Variants in PCDHA1 observed in about 807,000 individuals in gnomAD.
PCDHA1 encodes the protein protocadherin alpha-1.
PCDHA1 carries 42 observed loss-of-function variants against 61.3 expected under a neutral mutation model. The ratio of observed to expected loss-of-function variants is 0.69; its 90% CI spans 0.54 to 0.89. PCDHA1 has a LOEUF of 0.89. Ranked by LOEUF, PCDHA1 falls within the 40% of genes least tolerant of loss-of-function variation. The pLI is 0.00. For missense variants in PCDHA1, 1,256 were observed against 1,235.3 expected (o/e 1.02, Z -0.25); for synonymous variants, 610 against 553.8 (o/e 1.10, Z -1.43).
chr5:140,870,704 T>A, intron 1 of PCDHA1: 1 of 1,612,984 alleles, frequency 6.2e-7, no homozygotes, highest in East Asian at 2.2e-5. Flanking sequence ...CAGTTCCAGG[T>A]GAGCGCGCGC....
At chr5:140,843,373 T>C (rs2150358583) in intron 1 of PCDHA1, 5 of 1,596,150 alleles carry the variant, frequency 3.1e-6, no homozygotes, top group Non-Finnish European at 2.6e-6. Flanking sequence ...GGCAGTCGGC[T>C]GGCGTTTTGG....
intron 1 of PCDHA1, chr5:140,883,655 T>C (rs782178754): frequency 6.2e-7 from 1 of 1,613,114 alleles, no homozygotes; most frequent in Non-Finnish European, 8.5e-7. Context: ...GTACACGGTG[T>C]TCGTGAAGGA....
rs1335181198 is a variant in PCDHA1 at position 140,797,295 on chromosome 5, T to C, written c.2394+8611T>C. On this transcript the variant is annotated intron_variant, in intron 1 of 3. Transcript: ENST00000504120. Reference sequence around the variant, plus strand: ...TCATGGCCTTCAGCCCTAGCTTATCTCAAGGTCCAGACTCCGCAGAAGAGA... The same window carrying C: ...TCATGGCCTTCAGCCCTAGCTTATCCCAAGGTCCAGACTCCGCAGAAGAGA... 4.3e-6 allele frequency: 7 copies of C among 1,614,070 alleles called. No homozygotes were observed. In the Admixed American group the frequency reaches 1.0e-4, roughly 23 times the overall value.
At chr5:140,869,975 T>C (rs1562636456) in intron 1 of PCDHA1, 1 of 1,613,324 alleles carries the variant, frequency 6.2e-7, no homozygotes, top group Non-Finnish European at 8.5e-7. Flanking sequence ...GGAAGACACT[T>C]ATTTACACTA....
intron 1 of PCDHA1, among the ~76,000 whole-genome samples, chr5:140,826,810 A>G (rs967929234): frequency 6.6e-6 from 1 of 152,172 alleles, no homozygotes; most frequent in African/African-American, 2.4e-5. Flanking sequence ...CTAACATGTG[A>G]TTACATATTA....
At chr5:140,829,849 T>C in intron 1 of PCDHA1, 1 of 1,613,860 alleles carries the variant, frequency 6.2e-7, no homozygotes, top group Non-Finnish European at 8.5e-7. Context: ...GGTCACTGGG[T>C]GCAGGCCAAG....
chr5:140,916,864 T>A (rs2077768356), intron 1 of PCDHA1, among the ~76,000 whole-genome samples: 1 of 152,156 alleles, frequency 6.6e-6, no homozygotes, highest in African/African-American at 2.4e-5. Flanking sequence ...AGGAGTTACC[T>A]AGGAATTGCA....
At chr5:140,862,209 A>C (rs2047255709) in intron 1 of PCDHA1, 2 of 201,904 alleles carry the variant, frequency 9.9e-6, no homozygotes, top group South Asian at 2.0e-4. Flanking sequence ...TGATCACTGC[A>C]CAGACTTGAT....
At chr5:140,968,166 C>G (rs782037307) in intron 1 of PCDHA1, 1 of 1,614,004 alleles carries the variant, frequency 6.2e-7, no homozygotes, top group Non-Finnish European at 8.5e-7. Flanking sequence ...GACAATCCAC[C>G]AAGCTTCCTG....
At chr5:140,835,591 A>T (rs2150238905) in intron 1 of PCDHA1, 2 of 1,613,686 alleles carry the variant, frequency 1.2e-6, no homozygotes, top group African/African-American at 2.7e-5. Flanking sequence ...ACCTTCAAGA[A>T]TTACTATTCA....
intron 1 of PCDHA1, chr5:140,877,117 G>T (rs781979355): frequency 6.8e-6 from 11 of 1,613,720 alleles, no homozygotes; most frequent in Admixed American, 3.3e-5. Flanking sequence ...GGGCAGCAAC[G>T]TGACGCTGCA....
In PCDHA1 at chr5:140,846,617, G is replaced by A. The variant is rs2150393003; in HGVS notation, c.2394+57933G>A. Among the ~76,000 whole-genome samples, 14 of 148,740 alleles carry A rather than the reference G, an allele frequency of 9.4e-5. 1 individual carries two copies. The highest frequency in any genetic ancestry group is 1.7e-4 in the African/African-American group (7 of 40,642). ...TCTCGATCTCCTGACCTCCTGATCC[G>A]CCCACTTCGGCCTCCTAAAGTGCTG... is the stretch of plus-strand genomic sequence containing the variant. On this transcript the variant is annotated intron_variant, in intron 1 of 3. Transcript: ENST00000504120.
At chr5:140,877,007 C>T in intron 1 of PCDHA1, 2 of 1,612,430 alleles carry the variant, frequency 1.2e-6, no homozygotes, top group Non-Finnish European at 1.7e-6. Context: ...TCGGTGCACG[C>T]GGAGAGCGGC....
At chr5:140,975,003 A>G (rs1170426656) in intron 1 of PCDHA1, among the ~76,000 whole-genome samples, 3 of 152,152 alleles carry the variant, frequency 2.0e-5, no homozygotes, top group Non-Finnish European at 4.4e-5. Flanking sequence ...CAAGGCTGAA[A>G]TGAACACAGC....
intron 1 of PCDHA1, chr5:140,805,020 T>C: frequency 3.2e-6 from 5 of 1,570,898 alleles, no homozygotes; most frequent in Non-Finnish European, 4.3e-6. Flanking sequence ...TATCAGCTTC[T>C]TGAATATAAT....
chr5:140,822,885 G>C (rs1554128940), intron 1 of PCDHA1: 45 of 1,614,086 alleles, frequency 2.8e-5, no homozygotes, highest in Non-Finnish European at 3.7e-5. Context: ...TCATTGCTCT[G>C]ATCAGCGTGT....
At chr5:140,985,577 G>A (rs1265916995) in intron 3 of PCDHA1, among the ~76,000 whole-genome samples, 1 of 152,116 alleles carries the variant, frequency 6.6e-6, no homozygotes, top group Non-Finnish European at 1.5e-5. Flanking sequence ...TGGTGCCTAA[G>A]CCTCCTTATA....
intron 1 of PCDHA1, chr5:140,795,985 G>T (rs1554119635): frequency 6.2e-7 from 1 of 1,614,088 alleles, no homozygotes; most frequent in Non-Finnish European, 8.5e-7. Context: ...ATTAAAACTT[G>T]TGGACATCAA....
chr5:140,844,793 A>G (rs1417087435), intron 1 of PCDHA1, among the ~76,000 whole-genome samples: 1 of 149,016 alleles, frequency 6.7e-6, no homozygotes, highest in Non-Finnish European at 1.5e-5. Context: ...ATCTTTCAAC[A>G]TTTTCTTTCT....
Sources: allele counts gnomAD v4.1 joint callset (sites outside exome capture counted in the v4.1 genomes callset), GRCh38; gene constraint gnomAD v4.1.1; transcripts MANE v1.5; gene names NCBI Gene and HGNC (gene_info 2026-07-23, HGNC 2026-07-21).